The following AIG1 variants were observed in gnomAD, a reference collection of about 807,000 sequenced individuals.
AIG1 encodes androgen-induced gene 1 protein.
A neutral mutation model predicts 31.4 loss-of-function variants in AIG1; 23 were observed. That is an observed-to-expected ratio of 0.73 (90% CI 0.53 to 1.04). The LOEUF (loss-of-function observed/expected upper bound fraction) is 1.04. Ranked by LOEUF, AIG1 falls within the 50% of genes least tolerant of loss-of-function variation. The probability of loss-of-function intolerance (pLI) is 0.00; values close to 1 mark genes in which losing one functional copy is unlikely to be tolerated. For synonymous variants in AIG1, 100 were observed against 110.5 expected, an observed-to-expected ratio of 0.90 and a Z score of 0.60; for missense variants, 274 against 295.0, an observed-to-expected ratio of 0.93 and a Z score of 0.52.
downstream of AIG1, chr6:143,343,066 G>C: frequency 2.6e-6 from 2 of 782,288 alleles, no homozygotes; most frequent in Non-Finnish European, 4.8e-6. Flanking sequence ...ACCATCACTT[G>C]GTGCATCTCG....
chr6:143,243,933 G>T (rs906478707), intron 3 of AIG1, among the ~76,000 whole-genome samples: 1 of 152,146 alleles, frequency 6.6e-6, no homozygotes, highest in South Asian at 2.1e-4. Flanking sequence ...GCCTAGATTT[G>T]CCATCAAAAT....
chr6:143,259,947 C>T (rs1382509261), intron 3 of AIG1, among the ~76,000 whole-genome samples: 3 of 150,542 alleles, frequency 2.0e-5, no homozygotes, highest in Non-Finnish European at 2.9e-5. Context: ...AATTCTGTAG[C>T]GTATGTGGCC....
At chr6:143,253,972 T>C (rs949828221) in intron 3 of AIG1, among the ~76,000 whole-genome samples, 4 of 152,194 alleles carry the variant, frequency 2.6e-5, no homozygotes, top group Non-Finnish European at 4.4e-5. Context: ...CTTTCTCTTT[T>C]TGAAGTCTTC....
chr6:143,322,321 AT>A (rs1430672773), intron 4 of AIG1, among the ~76,000 whole-genome samples: 7 of 152,218 alleles, frequency 4.6e-5, no homozygotes, highest in Non-Finnish European at 8.8e-5. Flanking sequence ...AATATGGAAA[AT>A]TATGATTTTC....
chr6:143,255,584 G>T (rs940708974), intron 3 of AIG1, among the ~76,000 whole-genome samples: 1 of 152,242 alleles, frequency 6.6e-6, no homozygotes, highest in African/African-American at 2.4e-5. Flanking sequence ...CACTGTGGGG[G>T]TTAATGCTTC....
intron 3 of AIG1, among the ~76,000 whole-genome samples, chr6:143,167,174 T>C (rs546429716): frequency 2.4e-4 from 37 of 152,334 alleles, no homozygotes; most frequent in African/African-American, 8.7e-4. Context: ...GGAGATAGGC[T>C]TTGTAAATCA....
intron 3 of AIG1, among the ~76,000 whole-genome samples, chr6:143,229,303 T>C (rs1793253679): frequency 6.6e-6 from 1 of 152,236 alleles, no homozygotes; most frequent in Non-Finnish European, 1.5e-5. Flanking sequence ...TGTATTCCAC[T>C]TTTTTAACCT....
chr6:143,118,326 G>A (rs1387485707), intron 1 of AIG1, among the ~76,000 whole-genome samples: 1 of 152,088 alleles, frequency 6.6e-6, no homozygotes, highest in African/African-American at 2.4e-5. Flanking sequence ...GAGTCTGGTG[G>A]CAGGTGCCTG....
Position 143,327,336 on chromosome 6 carries a change from G to T in AIG1, c.516-5946G>T. 1 of 238,866 alleles carries T rather than the reference G, an allele frequency of 4.2e-6. No individual in the cohort carries two copies. The highest frequency in any genetic ancestry group is 6.0e-5 in the South Asian group (1 of 16,600). 14.8% of individuals were successfully genotyped at this position (238,866 alleles called of 1,614,324 possible). On this transcript the variant is annotated intron_variant, in intron 4 of 5. Coordinates refer to ENST00000357847, the MANE Select transcript of AIG1 (RefSeq NM_016108.4). The surrounding 1 kb of genome is among the most constrained non-coding windows in gnomAD (Gnocchi z 5.3). ...GCCACTCTGCCATCAACAAGGTGGT[G>T]ACCTCGTTGATGATACACCATCAAC...
intron 1 of AIG1, among the ~76,000 whole-genome samples, chr6:143,062,472 C>CT (rs1404796290): frequency 6.6e-6 from 1 of 152,138 alleles, no homozygotes; most frequent in African/African-American, 2.4e-5. Context: ...CTGTCTGTTC[C>CT]TTTTAGCTTC....
intron 1 of AIG1, among the ~76,000 whole-genome samples, chr6:143,092,806 T>C (rs1156716682): frequency 2.0e-5 from 3 of 152,136 alleles, no homozygotes; most frequent in Admixed American, 1.3e-4. Flanking sequence ...TCCCAGCGTT[T>C]TGAGAGTCTG....
At chr6:143,126,780 G>A (rs916569215) in intron 1 of AIG1, among the ~76,000 whole-genome samples, 6 of 152,122 alleles carry the variant, frequency 3.9e-5, no homozygotes, top group Non-Finnish European at 5.9e-5. Flanking sequence ...TTCTCTGAAT[G>A]TGCTACTTTC....
intron 3 of AIG1, among the ~76,000 whole-genome samples, chr6:143,168,766 G>T (rs1787212993): frequency 6.6e-6 from 1 of 152,006 alleles, no homozygotes; most frequent in African/African-American, 2.4e-5. Context: ...TCATGCTACT[G>T]CACTCCAGCC....
Position 143,326,420 on chromosome 6 carries a change from G to C in AIG1, c.516-6862G>C, listed in dbSNP as rs1394056215. Among the ~76,000 whole-genome samples, 1 of 152,092 alleles carries C rather than the reference G, an allele frequency of 6.6e-6. No homozygotes were observed. The highest frequency in any genetic ancestry group is 1.5e-5 in the Non-Finnish European group (1 of 68,026). On this transcript the variant is annotated intron_variant, in intron 4 of 5. Transcript: ENST00000357847. The surrounding 1 kb of genome is among the most constrained non-coding windows in gnomAD (Gnocchi z 4.5). ...ATGAATTCTTATCCTTTCTATCACA[G>C]TTTAAATGCTACTTTATTCATTCAT...
intron 3 of AIG1, among the ~76,000 whole-genome samples, chr6:143,276,060 T>G (rs1384687014): frequency 6.6e-6 from 1 of 152,194 alleles, no homozygotes; most frequent in African/African-American, 2.4e-5. Flanking sequence ...TAGCACCTCC[T>G]GGGTGTCCTC....
intron 4 of AIG1, among the ~76,000 whole-genome samples, chr6:143,306,039 G>A (rs1583812645): frequency 1.4e-5 from 2 of 147,334 alleles, no homozygotes; most frequent in South Asian, 4.5e-4. Flanking sequence ...CACAGACTAG[G>A]ATTGCAACCC....
rs867622251 is a variant in AIG1, at chr6:143,244,518, A to G, written c.400-39592A>G. 2.6e-5 allele frequency among the ~76,000 whole-genome samples: 4 copies of G among 152,234 alleles called. 1 individual carries two copies. The South Asian group carries it at 8.3e-4, about 32-fold the overall frequency. On this transcript the variant is annotated intron_variant, in intron 3 of 5. Coordinates refer to ENST00000357847, the MANE Select transcript of AIG1 (RefSeq NM_016108.4). ...TTCACAGCACACTGAGTAGGCTCTGATAACGTACTAAATGGATCACATGGG... is the reference window on the plus strand; with the variant it reads ...TTCACAGCACACTGAGTAGGCTCTGGTAACGTACTAAATGGATCACATGGG...
At chr6:143,169,987 G>A (rs772685133) in intron 3 of AIG1, among the ~76,000 whole-genome samples, 22 of 151,882 alleles carry the variant, frequency 1.4e-4, no homozygotes, top group Non-Finnish European at 2.9e-5. Flanking sequence ...ATTTGGTTTG[G>A]TAGTATTTTG....
chr6:143,135,928 A>G (rs1783686265), intron 1 of AIG1, among the ~76,000 whole-genome samples: 2 of 152,196 alleles, frequency 1.3e-5, no homozygotes, highest in African/African-American at 4.8e-5. Context: ...CTAATTGGGT[A>G]TGACTTTGTG....
Sources: allele counts gnomAD v4.1 joint callset (sites outside exome capture counted in the v4.1 genomes callset), GRCh38; gene constraint gnomAD v4.1.1; non-coding constraint Gnocchi (gnomAD v3.1); transcripts MANE v1.5; gene names NCBI Gene and HGNC (gene_info 2026-07-23, HGNC 2026-07-21).